The following PDLIM5 variants were observed in gnomAD, a reference collection of about 807,000 sequenced individuals.
The protein encoded by PDLIM5 is PDZ and LIM domain 5.
In PDLIM5, 34 loss-of-function variants were observed where a neutral mutation model predicts 64.2. The ratio of observed to expected loss-of-function variants is 0.53; its 90% CI spans 0.40 to 0.71. The LOEUF (loss-of-function observed/expected upper bound fraction) is 0.71, where lower values mean the gene tolerates loss of function less well. PDLIM5 is among the 30% of genes least tolerant of loss of function. The probability of loss-of-function intolerance (pLI) is 0.00; values close to 1 mark genes in which losing one functional copy is unlikely to be tolerated. For missense variants in PDLIM5, 683 were observed against 733.6 expected, an observed-to-expected ratio of 0.93 and a Z score of 0.80; for synonymous variants, 253 against 269.1, an observed-to-expected ratio of 0.94 and a Z score of 0.59.
At chr4:94,547,154 T>C (rs1362232935) in intron 3 of PDLIM5, among the ~76,000 whole-genome samples, 1 of 152,158 alleles carries the variant, frequency 6.6e-6, no homozygotes, top group Non-Finnish European at 1.5e-5. Context: ...TGTGTATTAG[T>C]TTCCTATTGC....
chr4:94,478,161 CAGG>C lies in PDLIM5; in HGVS notation c.96+22780_96+22782del, dbSNP rs559368885. On this transcript the variant is annotated intron_variant, in intron 2 of 12. Coordinates refer to ENST00000317968, the MANE Select transcript of PDLIM5 (RefSeq NM_006457.5). The stretch of plus-strand genomic sequence containing the variant: ...ATTCTAGCTACTTAGGAAGCCGAGG[CAGG>C]AGAATTGCTTGAACCCGGGAGGCGG... 8.1e-5 allele frequency among the ~76,000 whole-genome samples: 12 copies of C among 148,980 alleles called. No homozygotes were observed. The South Asian group carries it at 2.5e-3, about 31-fold the overall frequency.
intron 2 of PDLIM5, among the ~76,000 whole-genome samples, chr4:94,508,458 T>A (rs746812387): frequency 6.6e-6 from 1 of 152,114 alleles, no homozygotes; most frequent in African/African-American, 2.4e-5. Context: ...TTGGGTCAAG[T>A]GTTGATGGGC....
intron 2 of PDLIM5, among the ~76,000 whole-genome samples, chr4:94,508,482 G>A (rs1728588460): frequency 1.3e-5 from 2 of 152,156 alleles, no homozygotes; most frequent in African/African-American, 4.8e-5. Flanking sequence ...GGTTTTGAAA[G>A]GCTACAGCTG....
At chr4:94,512,145 T>G (rs1444454623) in intron 2 of PDLIM5, among the ~76,000 whole-genome samples, 1 of 151,930 alleles carries the variant, frequency 6.6e-6, no homozygotes, top group East Asian at 1.9e-4. Flanking sequence ...CTCAGCCTCC[T>G]GAGTAGCTGG....
intron 2 of PDLIM5, among the ~76,000 whole-genome samples, chr4:94,497,562 G>A (rs1184950363): frequency 6.6e-6 from 1 of 152,056 alleles, no homozygotes; most frequent in Non-Finnish European, 1.5e-5. Context: ...TCTTTCTGAG[G>A]CTACCTTGAC....
chr4:94,618,652 A>G (rs1265787093), intron 8 of PDLIM5, among the ~76,000 whole-genome samples: 1 of 152,230 alleles, frequency 6.6e-6, no homozygotes, highest in Non-Finnish European at 1.5e-5. Context: ...AGAAGGACAC[A>G]GTACTAGAAA....
intron 7 of PDLIM5, among the ~76,000 whole-genome samples, chr4:94,592,330 T>G (rs1309366850): frequency 1.3e-5 from 2 of 152,224 alleles, no homozygotes; most frequent in Admixed American, 1.3e-4. Flanking sequence ...ATATAGCATT[T>G]GGAATCTTAA....
At chr4:94,652,780 C>G (rs1341205593) in intron 9 of PDLIM5, among the ~76,000 whole-genome samples, 2 of 152,014 alleles carry the variant, frequency 1.3e-5, no homozygotes, top group Non-Finnish European at 2.9e-5. Flanking sequence ...ATGATATGTA[C>G]TAGCTTATAC....
Position 94,665,897 on chromosome 4 carries a change from G to A in PDLIM5, c.*1830G>A. The stretch of plus-strand genomic sequence containing the variant: ...CCTGTTATTTGATTTCCTCCTTTGG[G>A]AAAAGAATTATGTAGATACCACATG... On this transcript the variant is annotated 3_prime_UTR_variant, in exon 13 of 13. Coordinates refer to ENST00000317968, the MANE Select transcript of PDLIM5 (RefSeq NM_006457.5). The A allele has an allele frequency of 7.0e-7, 1 of 1,434,504 alleles. No homozygotes were observed. The highest frequency in any genetic ancestry group is 1.5e-5 in the South Asian group (1 of 64,992). The allele number at this position is 1,434,504 out of a possible 1,614,324, so 88.9% of individuals were successfully genotyped here.
At chr4:94,643,028 A>C (rs1194423170) in intron 9 of PDLIM5, among the ~76,000 whole-genome samples, 1 of 152,206 alleles carries the variant, frequency 6.6e-6, no homozygotes, top group Admixed American at 6.5e-5. Context: ...ATGTAAAGGC[A>C]AACTAAAGCA....
At chr4:94,622,778 C>G (rs1221868650) in intron 8 of PDLIM5, among the ~76,000 whole-genome samples, 1 of 152,012 alleles carries the variant, frequency 6.6e-6, no homozygotes, top group Non-Finnish European at 1.5e-5. Flanking sequence ...TCAAGTGATT[C>G]TCCTGCCTTA....
intron 7 of PDLIM5, chr4:94,611,032 G>A (rs973045011): frequency 4.0e-6 from 6 of 1,494,736 alleles, no homozygotes; most frequent in Admixed American, 3.9e-5. Context: ...TTGGTAGTGT[G>A]ATTTTTGACT....
chr4:94,535,835 C>CTT (rs10590994), intron 3 of PDLIM5, among the ~76,000 whole-genome samples: 2 of 123,052 alleles, frequency 1.6e-5, no homozygotes, highest in Non-Finnish European at 1.7e-5. Flanking sequence ...ATAAGGTCCT[C>CTT]TTTTTTTTTT....
At chr4:94,622,542 G>C (rs1196267244) in intron 8 of PDLIM5, among the ~76,000 whole-genome samples, 1 of 152,146 alleles carries the variant, frequency 6.6e-6, no homozygotes, top group East Asian at 1.9e-4. Context: ...TTTCTGACTG[G>C]TGGTGGCCCC....
chr4:94,589,673 A>G (rs540317263), intron 7 of PDLIM5, among the ~76,000 whole-genome samples: 1 of 152,120 alleles, frequency 6.6e-6, no homozygotes, highest in African/African-American at 2.4e-5. Context: ...TTTAAAGTGA[A>G]ATTGGGAAGT....
At chr4:94,546,584 TTATC>T (rs1439166754) in intron 3 of PDLIM5, among the ~76,000 whole-genome samples, 5 of 152,184 alleles carry the variant, frequency 3.3e-5, no homozygotes, top group Non-Finnish European at 7.4e-5. Context: ...TGTGGCTTAA[TTATC>T]TATCTAATAT....
intron 8 of PDLIM5, among the ~76,000 whole-genome samples, chr4:94,620,706 G>T (rs1021940943): frequency 6.6e-6 from 1 of 151,718 alleles, no homozygotes; most frequent in African/African-American, 2.4e-5. Flanking sequence ...TTTAGAAAAC[G>T]TTATTTATAC....
chr4:94,517,690 T>C (rs1443771981), intron 2 of PDLIM5, among the ~76,000 whole-genome samples: 1 of 152,232 alleles, frequency 6.6e-6, no homozygotes, highest in Non-Finnish European at 1.5e-5. Context: ...TTACTATATC[T>C]GATGGCATTC....
At position 94,482,117 on chromosome 4, in the gene PDLIM5, CT is replaced by C. The variant is rs60217224; in HGVS notation, c.96+26744del. 3.0e-3 allele frequency among the ~76,000 whole-genome samples: 442 copies of C among 145,280 alleles called. 1 individual carries two copies. Among genetic ancestry groups the C allele is most frequent in the African/African-American group, 7.9e-3 (315 of 39,818 alleles). ...GCCACTTCACAGATATTTTACCTCC[CT>C]TTTTTTTTTTAAATTACAGAGTCTA... On this transcript the variant is annotated intron_variant, in intron 2 of 12. Coordinates refer to ENST00000317968, the MANE Select transcript of PDLIM5 (RefSeq NM_006457.5).
Sources: allele counts gnomAD v4.1 joint callset (sites outside exome capture counted in the v4.1 genomes callset), GRCh38; gene constraint gnomAD v4.1.1; transcripts MANE v1.5; gene names NCBI Gene and HGNC (gene_info 2026-07-23, HGNC 2026-07-21).